Variants in ZNF804B observed in about 807,000 individuals in gnomAD.
ZNF804B encodes zinc finger 804B.
In ZNF804B, 80 loss-of-function variants were observed where a neutral mutation model predicts 101.4. The observed-to-expected ratio is 0.79, with a 90% CI of 0.66 to 0.95. The LOEUF (loss-of-function observed/expected upper bound fraction) is 0.95. ZNF804B is among the 40% of genes least tolerant of loss of function. The probability of loss-of-function intolerance (pLI) is 0.00; values close to 1 mark genes in which losing one functional copy is unlikely to be tolerated. For synonymous variants in ZNF804B, 622 were observed against 558.8 expected (o/e 1.11, Z -1.59); for missense variants, 1,673 against 1,561.9 (o/e 1.07, Z -1.20).
intron 1 of ZNF804B, among the ~76,000 whole-genome samples, chr7:89,194,651 T>C (rs1008172968): frequency 2.6e-5 from 4 of 151,948 alleles, no homozygotes; most frequent in African/African-American, 7.3e-5. Flanking sequence ...CTGAGGGCTC[T>C]GTCCTGTTCC....
chr7:89,131,306 A>G (rs1004132637), intron 1 of ZNF804B, among the ~76,000 whole-genome samples: 1 of 152,078 alleles, frequency 6.6e-6, no homozygotes, highest in African/African-American at 2.4e-5. Context: ...AGCACAATTT[A>G]TTTGAAAACC....
rs1791519535 is a variant in ZNF804B, at chr7:88,854,527, T to TTTCCTTTCCTTTCCTTCCCTTCCTTCC, written c.108+94449_108+94450insTCCTTTCCTTCCCTTCCTTCCTTCCTT. 2.7e-3 allele frequency among the ~76,000 whole-genome samples: 109 copies of TTTCCTTTCCTTTCCTTCCCTTCCTTCC among 40,072 alleles called. 3 individuals carry two copies. The highest frequency in any genetic ancestry group is 4.0e-3 in the Non-Finnish European group (87 of 21,586). 26.3% of individuals were successfully genotyped at this position (40,072 alleles called of 152,430 possible). Reference sequence around the variant, plus strand: ...CTTTCCTTTCCTTTCCTTTCCTTCCTTTCCTTCCTTCCTTCCTTCCTTCCT... The same window carrying TTTCCTTTCCTTTCCTTCCCTTCCTTCC: ...CTTTCCTTTCCTTTCCTTTCCTTCCTTTCCTTTCCTTTCCTTCCCTTCCTTCCTTCCTTCCTTCCTTCCTTCCTTCCT... On this transcript the variant is annotated intron_variant, in intron 1 of 3. Coordinates refer to ENST00000333190, the MANE Select transcript of ZNF804B (RefSeq NM_181646.5).
At chr7:89,028,111 A>G (rs1226938483) in intron 1 of ZNF804B, among the ~76,000 whole-genome samples, 1 of 152,174 alleles carries the variant, frequency 6.6e-6, no homozygotes, top group Admixed American at 6.6e-5. Flanking sequence ...TTTGAGTGGT[A>G]CATAATTATA....
chr7:88,805,503 C>T (rs1168099697), intron 1 of ZNF804B, among the ~76,000 whole-genome samples: 1 of 152,152 alleles, frequency 6.6e-6, no homozygotes, highest in Non-Finnish European at 1.5e-5. Context: ...CTCAAGGTAC[C>T]TCCACATTTC....
intron 2 of ZNF804B, among the ~76,000 whole-genome samples, chr7:89,267,746 A>G (rs1234075782): frequency 6.6e-6 from 1 of 152,172 alleles, no homozygotes. Context: ...GAATAAGAGA[A>G]GAAATGCTGA....
intron 1 of ZNF804B, among the ~76,000 whole-genome samples, chr7:89,064,886 T>G (rs1304164146): frequency 6.6e-6 from 1 of 152,146 alleles, no homozygotes; most frequent in East Asian, 1.9e-4. Flanking sequence ...TCACACTAGC[T>G]TCACTTAAGA....
chr7:88,878,411 T>C (rs189480164), intron 1 of ZNF804B, among the ~76,000 whole-genome samples: 1 of 152,258 alleles, frequency 6.6e-6, no homozygotes, highest in East Asian at 1.9e-4. Context: ...GATATATGTC[T>C]TAACAACTCA....
intron 1 of ZNF804B, among the ~76,000 whole-genome samples, chr7:89,005,028 G>C (rs1788352035): frequency 6.6e-6 from 1 of 151,822 alleles, no homozygotes; most frequent in African/African-American, 2.4e-5. Flanking sequence ...ACCATTCTGA[G>C]TGGCCTTCAT....
At chr7:89,184,766 T>A (rs2115593934) in intron 1 of ZNF804B, among the ~76,000 whole-genome samples, 1 of 152,280 alleles carries the variant, frequency 6.6e-6, no homozygotes, top group Middle Eastern at 3.4e-3. Context: ...AACCCACAAG[T>A]TATGTATGAA....
chr7:89,328,009 G>T (rs1383412675), intron 3 of ZNF804B, among the ~76,000 whole-genome samples: 1 of 151,962 alleles, frequency 6.6e-6, no homozygotes, highest in African/African-American at 2.4e-5. Flanking sequence ...CTGAAAAATA[G>T]CAGTTTTACC....
intron 2 of ZNF804B, among the ~76,000 whole-genome samples, chr7:89,312,946 G>A (rs955903928): frequency 6.6e-6 from 1 of 152,114 alleles, no homozygotes; most frequent in Non-Finnish European, 1.5e-5. Flanking sequence ...TTTGATTGTA[G>A]TGTTATTCAA....
At chr7:88,897,884 G>A (rs919206468) in intron 1 of ZNF804B, among the ~76,000 whole-genome samples, 2 of 148,332 alleles carry the variant, frequency 1.3e-5, no homozygotes, top group Admixed American at 6.7e-5. Flanking sequence ...TTTTTTTTGC[G>A]TCAGATTCAT....
intron 1 of ZNF804B, among the ~76,000 whole-genome samples, chr7:89,213,365 G>A (rs1584058510): frequency 6.6e-6 from 1 of 152,202 alleles, no homozygotes; most frequent in Non-Finnish European, 1.5e-5. Context: ...ACACATAACA[G>A]TGAAGGGTCA....
intron 1 of ZNF804B, among the ~76,000 whole-genome samples, chr7:89,001,452 G>A (rs962940917): frequency 2.0e-5 from 3 of 151,602 alleles, no homozygotes; most frequent in Admixed American, 6.6e-5. Flanking sequence ...ACATGTGCAA[G>A]TTTCACAATC....
chr7:88,877,006 A>AATATATATATATAT (rs1554342839), intron 1 of ZNF804B, among the ~76,000 whole-genome samples: 3 of 84,260 alleles, frequency 3.6e-5, no homozygotes, highest in African/African-American at 2.7e-4. Flanking sequence ...TTGAAAAAAA[A>AATATATATATATAT]AATATATATA....
chr7:89,172,387 T>C (rs1390993432), intron 1 of ZNF804B, among the ~76,000 whole-genome samples: 1 of 152,140 alleles, frequency 6.6e-6, no homozygotes, highest in Non-Finnish European at 1.5e-5. Context: ...ATATCCTAGT[T>C]AAGCAATTCA....
chr7:89,264,607 C>G (rs2115821758), intron 2 of ZNF804B, among the ~76,000 whole-genome samples: 1 of 152,262 alleles, frequency 6.6e-6, no homozygotes, highest in South Asian at 2.1e-4. Context: ...TTCTTTCTCT[C>G]CCCAGTGCCT....
chr7:88,901,140 T>C (rs1792383848), intron 1 of ZNF804B, among the ~76,000 whole-genome samples: 1 of 151,844 alleles, frequency 6.6e-6, no homozygotes, highest in African/African-American at 2.4e-5. Context: ...AAAAAAGTGT[T>C]GTGAGCTATT....
chr7:88,935,617 A>T (rs1296345941), intron 1 of ZNF804B, among the ~76,000 whole-genome samples: 1 of 151,944 alleles, frequency 6.6e-6, no homozygotes, highest in East Asian at 1.9e-4. Flanking sequence ...TCTTTCCTGC[A>T]CATGCTGTTT....
Sources: allele counts gnomAD v4.1 joint callset (sites outside exome capture counted in the v4.1 genomes callset), GRCh38; gene constraint gnomAD v4.1.1; transcripts MANE v1.5; gene names NCBI Gene and HGNC (gene_info 2026-07-23, HGNC 2026-07-21).